Variants in ARHGAP26 observed in about 807,000 individuals in gnomAD.
ARHGAP26 encodes rho GTPase-activating protein 26.
ARHGAP26 carries 38 observed loss-of-function variants against 104.8 expected under a neutral mutation model. That is an observed-to-expected ratio of 0.36 (90% CI 0.28 to 0.48). The LOEUF (loss-of-function observed/expected upper bound fraction) is 0.48. Ranked by LOEUF, ARHGAP26 falls within the 20% of genes least tolerant of loss-of-function variation. ARHGAP26 has a pLI of 0.99. For synonymous variants in ARHGAP26, 341 were observed against 340.0 expected (o/e 1.00, Z -0.03); for missense variants, 704 against 947.9 (o/e 0.74, Z 3.38).
At chr5:143,188,100 T>A (rs148400250) in intron 20 of ARHGAP26, among the ~76,000 whole-genome samples, 1 of 152,344 alleles carries the variant, frequency 6.6e-6, no homozygotes, top group Non-Finnish European at 1.5e-5. Flanking sequence ...ATTCAGTGGA[T>A]AAGAAGCTTA....
chr5:142,791,765 A>C (rs914985803), intron 1 of ARHGAP26, among the ~76,000 whole-genome samples: 2 of 152,048 alleles, frequency 1.3e-5, no homozygotes, highest in South Asian at 2.1e-4. Flanking sequence ...GGAGTTTGTA[A>C]CCAGCCTGAC....
intron 9 of ARHGAP26, among the ~76,000 whole-genome samples, chr5:142,909,182 A>G (rs1431740927): frequency 6.6e-6 from 1 of 152,138 alleles, no homozygotes; most frequent in Non-Finnish European, 1.5e-5. Flanking sequence ...TTTTAATACA[A>G]ATATTTACAT....
At chr5:143,130,682 G>T (rs1021969508) in intron 18 of ARHGAP26, among the ~76,000 whole-genome samples, 2 of 152,214 alleles carry the variant, frequency 1.3e-5, no homozygotes, top group South Asian at 4.1e-4. Context: ...ATTCTCATTA[G>T]AATCCCAACT....
chr5:143,024,555 T>G (rs1470600436), intron 12 of ARHGAP26, among the ~76,000 whole-genome samples: 1 of 152,148 alleles, frequency 6.6e-6, no homozygotes, highest in African/African-American at 2.4e-5. Context: ...AGACAGAGAC[T>G]AAAATATTTC....
At chr5:143,093,055 A>G (rs1791698420) in intron 17 of ARHGAP26, among the ~76,000 whole-genome samples, 1 of 152,172 alleles carries the variant, frequency 6.6e-6, no homozygotes, top group African/African-American at 2.4e-5. Context: ...CTGCTGGGTT[A>G]AGGGAATTTT....
Position 143,227,418 on chromosome 5 carries a change from C to G in ARHGAP26, c.*4972C>G, listed in dbSNP as rs1018193156. ...TCAGCAGGATGTCTTCTCACCCACC[C>G]TGTGCTGGTGTCTAACAAATTTATC... is the stretch of plus-strand genomic sequence containing the variant. On this transcript the variant is annotated 3_prime_UTR_variant, in exon 23 of 23. Transcript: ENST00000645722. 1.7e-5 allele frequency: 4 copies of G among 231,170 alleles called. No homozygotes were observed. The highest frequency in any genetic ancestry group is 8.8e-5 in the African/African-American group (4 of 45,206). 14.3% of individuals were successfully genotyped at this position (231,170 alleles called of 1,614,324 possible). A position where few individuals can be genotyped will look rare whatever the true frequency, so the allele number is the denominator to read the frequency against.
chr5:143,125,058 A>G (rs1474656853), intron 18 of ARHGAP26, among the ~76,000 whole-genome samples: 1 of 152,186 alleles, frequency 6.6e-6, no homozygotes, highest in East Asian at 1.9e-4. Context: ...GGTATGGAGA[A>G]CCAACTCATA....
intron 11 of ARHGAP26, among the ~76,000 whole-genome samples, chr5:142,992,890 A>C (rs989620331): frequency 2.0e-5 from 3 of 152,236 alleles, no homozygotes; most frequent in Non-Finnish European, 4.4e-5. Flanking sequence ...CACAACTGTA[A>C]GTGAGCAATT....
At chr5:143,005,593 G>C (rs1377856341) in intron 11 of ARHGAP26, among the ~76,000 whole-genome samples, 1 of 152,222 alleles carries the variant, frequency 6.6e-6, no homozygotes, top group East Asian at 1.9e-4. Flanking sequence ...ATGTTGAACA[G>C]TAGTATTCAC....
chr5:142,784,789 G>A (rs1030690805), intron 1 of ARHGAP26, among the ~76,000 whole-genome samples: 3 of 152,052 alleles, frequency 2.0e-5, no homozygotes, highest in Non-Finnish European at 4.4e-5. Flanking sequence ...TATATGCACA[G>A]GATTTTGCAT....
chr5:143,165,588 G>C (rs1182188676), intron 20 of ARHGAP26: 1 of 152,174 alleles, frequency 6.6e-6, no homozygotes. Context: ...TTTAGATTCA[G>C]GAAGTACATG....
chr5:142,823,092 A>C (rs1766515154), intron 1 of ARHGAP26, among the ~76,000 whole-genome samples: 1 of 152,244 alleles, frequency 6.6e-6, no homozygotes, highest in Non-Finnish European at 1.5e-5. Context: ...GGGCATCACT[A>C]TTCCCATTTT....
chr5:142,825,794 G>A (rs17099585), intron 1 of ARHGAP26, among the ~76,000 whole-genome samples: 49,223 of 151,972 alleles, frequency 0.32, 8,074 homozygotes, highest in East Asian at 0.4. Context: ...AGATCAGAGA[G>A]CAGGAAACTT....
In ARHGAP26 at chr5:143,052,507, T is replaced by C. The variant is rs550585496; in HGVS notation, c.1286-1932T>C. Among the ~76,000 whole-genome samples the C allele has an allele frequency of 4.6e-5, 7 of 152,290 alleles. No homozygotes were observed. The South Asian group carries it at 6.2e-4, about 14-fold the overall frequency. On this transcript the variant is annotated intron_variant, in intron 14 of 22. Coordinates refer to ENST00000645722, the MANE Select transcript of ARHGAP26 (RefSeq NM_001135608.3). ...AAAAAAAATTATGCTCTTTAGGTTT[T>C]TCCTTGTTTGTTTCATGTGACAGGA...
At chr5:143,198,310 T>C (rs1807178933) in intron 20 of ARHGAP26, among the ~76,000 whole-genome samples, 2 of 152,260 alleles carry the variant, frequency 1.3e-5, no homozygotes, top group Admixed American at 6.5e-5. Flanking sequence ...CACTTTATAA[T>C]GCCCCCAAAA....
intron 20 of ARHGAP26, among the ~76,000 whole-genome samples, chr5:143,181,513 G>A (rs570778640): frequency 1.3e-5 from 2 of 152,292 alleles, no homozygotes; most frequent in East Asian, 1.9e-4. Context: ...CATCCCCAGT[G>A]GGGCACTTAT....
intron 4 of ARHGAP26, among the ~76,000 whole-genome samples, chr5:142,879,745 AATAG>A (rs1756680627): frequency 1.3e-5 from 2 of 152,218 alleles, no homozygotes; most frequent in African/African-American, 4.8e-5. Context: ...GTGTTATTAT[AATAG>A]ATAGCTGTGT....
intron 10 of ARHGAP26, among the ~76,000 whole-genome samples, chr5:142,923,608 C>T (rs1763487868): frequency 6.6e-6 from 1 of 152,150 alleles, no homozygotes; most frequent in South Asian, 2.1e-4. Flanking sequence ...ATAATAGGAA[C>T]TCAGTCAATA....
chr5:142,812,844 A>G (rs768202977), intron 1 of ARHGAP26, among the ~76,000 whole-genome samples: 1 of 151,990 alleles, frequency 6.6e-6, no homozygotes, highest in African/African-American at 2.4e-5. Flanking sequence ...GGCTCCTAAA[A>G]CAGGGGTATT....
Sources: gnomAD v4.1 joint callset for allele counts (sites outside exome capture counted in the v4.1 genomes callset) on GRCh38, gnomAD v4.1.1 for gene constraint, MANE v1.5 for transcripts, NCBI Gene and HGNC (gene_info 2026-07-23, HGNC 2026-07-21) for gene names.